The following LGR4 variants were observed in gnomAD, a reference collection of about 807,000 sequenced individuals.
LGR4 encodes leucine-rich repeat-containing G protein-coupled receptor 4.
LGR4 carries 44 observed loss-of-function variants against 84.8 expected under a neutral mutation model. The observed-to-expected ratio is 0.52, with a 90% CI of 0.41 to 0.67. The LOEUF (loss-of-function observed/expected upper bound fraction) is 0.67. LGR4 is among the 30% of genes least tolerant of loss of function. The probability of loss-of-function intolerance (pLI) is 0.00; values close to 1 mark genes in which losing one functional copy is unlikely to be tolerated. For synonymous variants in LGR4, 429 were observed against 434.3 expected, an observed-to-expected ratio of 0.99 and a Z score of 0.15; for missense variants, 1,032 against 1,131.4, an observed-to-expected ratio of 0.91 and a Z score of 1.26.
chr11:27,378,664 G>A (rs571428225), intron 11 of LGR4, 33 bp downstream of exon 11: 18 of 1,400,498 alleles, frequency 1.3e-5, no homozygotes, highest in Non-Finnish European at 1.8e-5. Flanking sequence ...TAAACAAAAG[G>A]TATGAGGGGA....
intron 11 of LGR4, among the ~76,000 whole-genome samples, chr11:27,378,359 G>A (rs1863029076): frequency 1.3e-5 from 2 of 152,126 alleles, no homozygotes. Context: ...CTCTGCTTAG[G>A]CTGCAGATGA....
At chr11:27,419,673 C>T (rs1863889649) in intron 1 of LGR4, among the ~76,000 whole-genome samples, 1 of 145,438 alleles carries the variant, frequency 6.9e-6, no homozygotes, top group South Asian at 2.2e-4. Flanking sequence ...TATATATATC[C>T]CCAAACTGGA....
In LGR4 at chr11:27,469,707, A is replaced by C. The variant is rs866186788; in HGVS notation, c.185+2411T>G. The stretch of plus-strand genomic sequence containing the variant: ...TGATTGTAATTTTCTGTATAACTAC[A>C]GAGGTTTTTGGTTCACATGCTCCAG... On this transcript the variant is annotated intron_variant, in intron 1 of 17. Transcript: ENST00000379214. Among the ~76,000 whole-genome samples, 3 of 152,368 alleles carry C rather than the reference A, an allele frequency of 2.0e-5. No individual in the cohort carries two copies. In the South Asian group the frequency reaches 6.2e-4, roughly 32 times the overall value.
Position 27,378,728 on chromosome 11 carries a change from A to C in LGR4, c.1012T>G (p.Leu338Val). ...GTKISSIPNNLCQEQKMLRTL... is the reference protein window; with the variant it reads ...GTKISSIPNNVCQEQKMLRTL... ...CTAAGCATCTTTTGTTCTTGACACA[A>C]ATTATTAGGTATGCTGCTTATCTTT... The change falls in exon 11 of 18, where the codon TTG becomes GTG. Residue 338 changes from leucine (L) to valine (V), a missense_variant. Physicochemically the swap from Leu to Val is conservative, Grantham distance 32 (BLOSUM62 1). Coordinates refer to ENST00000379214, the MANE Select transcript of LGR4 (RefSeq NM_018490.5). 6.2e-7 allele frequency: 1 copy of C among 1,612,312 alleles called. No homozygotes were observed. Among genetic ancestry groups the C allele is most frequent in the South Asian group, 1.1e-5 (1 of 90,804 alleles).
At chr11:27,441,033 G>A (rs1461090857) in intron 1 of LGR4, among the ~76,000 whole-genome samples, 2 of 152,198 alleles carry the variant, frequency 1.3e-5, no homozygotes, top group Non-Finnish European at 2.9e-5. Flanking sequence ...GGCAGGTAGG[G>A]TTGGGAGAGT....
In LGR4 at chr11:27,368,207, T is replaced by C; in HGVS notation, c.2516A>G (p.Gln839Arg). The C allele has an allele frequency of 6.2e-7, 1 of 1,614,244 alleles. No homozygotes were observed. Among genetic ancestry groups the C allele is most frequent in the Non-Finnish European group, 8.5e-7 (1 of 1,180,034 alleles). The change falls in exon 18 of 18, where the codon CAG becomes CGG. Residue 839 changes from glutamine (Q) to arginine (R), a missense_variant. By Grantham distance (43) the Gln-to-Arg change is conservative. Coordinates refer to ENST00000379214, the MANE Select transcript of LGR4 (RefSeq NM_018490.5). ...CATGCCACAGTCGTAGTAGAAATCC[T>C]GTTCCAGACAACCACCTTGGCTACT... ...SISSQGGCLEQDFYYDCGMYS... is the reference protein window; with the variant it reads ...SISSQGGCLERDFYYDCGMYS...
In LGR4 at chr11:27,366,683, T is replaced by A. The variant is rs1862771193; in HGVS notation, c.*1184A>T. ...GGAATCAAGTAAAATTTTTAATTTT[T>A]AAAGACACAGGACTAAGCTTTATTC... is the stretch of plus-strand genomic sequence containing the variant. On this transcript the variant is annotated 3_prime_UTR_variant, in exon 18 of 18. Coordinates refer to ENST00000379214, the MANE Select transcript of LGR4 (RefSeq NM_018490.5). 1 of 152,578 alleles carries A rather than the reference T, an allele frequency of 6.6e-6. No individual in the cohort carries two copies. The highest frequency in any genetic ancestry group is 2.4e-5 in the African/African-American group (1 of 41,456). 9.5% of individuals were successfully genotyped at this position (152,578 alleles called of 1,614,324 possible). A position where few individuals can be genotyped will look rare whatever the true frequency, so the allele number is the denominator to read the frequency against.
At chr11:27,468,154 CA>C (rs1463229008) in intron 1 of LGR4, among the ~76,000 whole-genome samples, 1 of 152,052 alleles carries the variant, frequency 6.6e-6, no homozygotes, top group Non-Finnish European at 1.5e-5. Context: ...ATGATCTTTC[CA>C]AAAGGAGATT....
Position 27,420,168 on chromosome 11 carries a change from T to C in LGR4, c.186-7308A>G, listed in dbSNP as rs547076423. On this transcript the variant is annotated intron_variant, in intron 1 of 17. Transcript: ENST00000379214. ...TCACATTTCCCCCTCAGAAAAAAAA[T>C]AATTCATCCTATGTCTAGCCATTCT... Among the ~76,000 whole-genome samples, 8 of 152,146 alleles carry C rather than the reference T, an allele frequency of 5.3e-5. 1 individual carries two copies. The East Asian group carries it at 1.5e-3, about 29-fold the overall frequency.
At chr11:27,467,084 C>T (rs1181709888) in intron 1 of LGR4, among the ~76,000 whole-genome samples, 3 of 151,952 alleles carry the variant, frequency 2.0e-5, no homozygotes, top group Non-Finnish European at 4.4e-5. Flanking sequence ...CCACACCTGG[C>T]CTCAAGTCTT....
chr11:27,420,562 A>G (rs1263296274), intron 1 of LGR4, among the ~76,000 whole-genome samples: 1 of 152,208 alleles, frequency 6.6e-6, no homozygotes, highest in Non-Finnish European at 1.5e-5. Flanking sequence ...AAAGTTAAGT[A>G]TATCACATAT....
chr11:27,408,278 C>T (rs567299293), intron 2 of LGR4, among the ~76,000 whole-genome samples: 1 of 152,208 alleles, frequency 6.6e-6, no homozygotes, highest in South Asian at 2.1e-4. Flanking sequence ...ACAGATGAAA[C>T]AAAATGACAG....
chr11:27,465,178 C>T (rs537072627), intron 1 of LGR4, among the ~76,000 whole-genome samples: 2 of 152,292 alleles, frequency 1.3e-5, no homozygotes, highest in South Asian at 4.1e-4. Context: ...CAAGGATATG[C>T]TTATATTCTT....
At chr11:27,445,947 T>C (rs1864381844) in intron 1 of LGR4, among the ~76,000 whole-genome samples, 1 of 152,178 alleles carries the variant, frequency 6.6e-6, no homozygotes, top group Non-Finnish European at 1.5e-5. Context: ...CTAAGCAAGT[T>C]AATTAATAAA....
In LGR4 at chr11:27,380,876, A is replaced by C. The variant is rs1418709673; in HGVS notation, c.830+19T>G. The C allele has an allele frequency of 6.9e-7, 1 of 1,448,884 alleles. No homozygotes were observed. Among genetic ancestry groups the C allele is most frequent in the South Asian group, 1.2e-5 (1 of 86,730 alleles). 89.8% of individuals were successfully genotyped at this position (1,448,884 alleles called of 1,614,324 possible). A position where few individuals can be genotyped will look rare whatever the true frequency, so the allele number is the denominator to read the frequency against. ...CTTCACATAATTATACATTAAAAGA[A>C]ACTTTCAAAAATACTTACATAGTTC... On this transcript the variant is annotated intron_variant, in intron 8 of 17. Coordinates refer to ENST00000379214, the MANE Select transcript of LGR4 (RefSeq NM_018490.5).
chr11:27,460,262 C>T (rs1266370006), intron 1 of LGR4, among the ~76,000 whole-genome samples: 1 of 152,126 alleles, frequency 6.6e-6, no homozygotes, highest in Admixed American at 6.5e-5. Context: ...AAGGCTAATA[C>T]TATATGCAAC....
At chr11:27,378,656 A>T in intron 11 of LGR4, 41 bp downstream of exon 11, 1 of 1,355,920 alleles carries the variant, frequency 7.4e-7, no homozygotes, top group Admixed American at 1.7e-5. Flanking sequence ...TGAATATATA[A>T]ACAAAAGGTA....
chr11:27,419,983 A>G (rs1258673600), intron 1 of LGR4, among the ~76,000 whole-genome samples: 1 of 152,132 alleles, frequency 6.6e-6, no homozygotes, highest in African/African-American at 2.4e-5. Context: ...GGTGATAGAA[A>G]TGATCTATAT....
At chr11:27,420,072 A>G (rs1863899510) in intron 1 of LGR4, among the ~76,000 whole-genome samples, 1 of 152,174 alleles carries the variant, frequency 6.6e-6, no homozygotes, top group South Asian at 2.1e-4. Flanking sequence ...GGCTGTATGT[A>G]ATTAAGTCTC....
Sources: allele counts gnomAD v4.1 joint callset (sites outside exome capture counted in the v4.1 genomes callset), GRCh38; gene constraint gnomAD v4.1.1; transcripts MANE v1.5; gene names NCBI Gene and HGNC (gene_info 2026-07-23, HGNC 2026-07-21).